ANKFN1: variants seen among roughly 807,000 people sequenced by gnomAD.
ANKFN1 encodes the protein ankyrin repeat and fibronectin type III domain containing 1, also known as ankyrin repeat and fibronectin type-III domain-containing protein 1.
ANKFN1 carries 74 observed loss-of-function variants against 108.7 expected under a neutral mutation model. The ratio of observed to expected loss-of-function variants is 0.68; its 90% CI spans 0.56 to 0.83. The LOEUF (loss-of-function observed/expected upper bound fraction) is 0.83. Among genes scored for constraint, ANKFN1 ranks in the 40% least tolerant of loss-of-function variants. The probability of loss-of-function intolerance (pLI) is 0.00; values close to 1 mark genes in which losing one functional copy is unlikely to be tolerated. For synonymous variants in ANKFN1, 547 were observed against 516.2 expected (o/e 1.06, Z -0.81); for missense variants, 1,505 against 1,382.3 (o/e 1.09, Z -1.41).
At position 56,374,730 on chromosome 17, in the gene ANKFN1, C is replaced by T; in HGVS notation, c.910+16C>T. 1.9e-6 allele frequency: 3 copies of T among 1,569,368 alleles called. No homozygotes were observed. Among genetic ancestry groups the T allele is most frequent in the East Asian group, 2.2e-5 (1 of 44,506 alleles). On this transcript the variant is annotated intron_variant, in intron 8 of 20. Transcript: ENST00000682825. Reference sequence around the variant, plus strand: ...AGGTATAAAGGTACTGGACCCAAGACATGTTTTCATCACTCCTTCTTAAAA... The same window carrying T: ...AGGTATAAAGGTACTGGACCCAAGATATGTTTTCATCACTCCTTCTTAAAA...
chr17:56,103,344 G>A (rs1905684650), intron 4 of ANKFN1, among the ~76,000 whole-genome samples: 1 of 152,200 alleles, frequency 6.6e-6, no homozygotes, highest in South Asian at 2.1e-4. Context: ...GCCATTAATG[G>A]CAGCCTCTGG....
intron 4 of ANKFN1, among the ~76,000 whole-genome samples, chr17:56,134,652 G>A (rs1364001741): frequency 6.6e-6 from 1 of 152,082 alleles, no homozygotes; most frequent in Non-Finnish European, 1.5e-5. Context: ...CCAGAAACTG[G>A]GGGCAATACG....
At chr17:56,160,509 C>T (rs1481153476) in intron 1 of ANKFN1, among the ~76,000 whole-genome samples, 6 of 152,156 alleles carry the variant, frequency 3.9e-5, no homozygotes, top group African/African-American at 1.4e-4. Context: ...TTGATGCCTA[C>T]AACTGAACTT....
chr17:56,180,484 A>T (rs1027496267), intron 1 of ANKFN1, among the ~76,000 whole-genome samples: 1 of 152,208 alleles, frequency 6.6e-6, no homozygotes, highest in Non-Finnish European at 1.5e-5. Flanking sequence ...AAGCAGTTAA[A>T]ACGAACTTTA....
intron 4 of ANKFN1, among the ~76,000 whole-genome samples, chr17:56,080,195 G>A (rs1345262994): frequency 6.6e-6 from 1 of 152,162 alleles, no homozygotes; most frequent in Non-Finnish European, 1.5e-5. Flanking sequence ...TCCAAATTAG[G>A]ACCATACAGT....
intron 1 of ANKFN1, among the ~76,000 whole-genome samples, chr17:56,154,841 A>G (rs553343684): frequency 2.6e-5 from 4 of 152,266 alleles, no homozygotes; most frequent in African/African-American, 7.2e-5. Context: ...CATTTGTTCC[A>G]TGAAGTGTAG....
chr17:56,244,026 C>A (rs546907344), intron 3 of ANKFN1, among the ~76,000 whole-genome samples: 2 of 151,764 alleles, frequency 1.3e-5, no homozygotes, highest in Non-Finnish European at 2.9e-5. Context: ...TGGAGGGGGT[C>A]ACTATGAAAG....
At chr17:56,294,978 A>G (rs1406281842) in intron 3 of ANKFN1, among the ~76,000 whole-genome samples, 1 of 152,244 alleles carries the variant, frequency 6.6e-6, no homozygotes, top group Non-Finnish European at 1.5e-5. Context: ...TGACAGCTAC[A>G]GAAAATGACT....
chr17:56,342,625 C>T (rs746372903), intron 4 of ANKFN1, among the ~76,000 whole-genome samples: 2 of 151,908 alleles, frequency 1.3e-5, no homozygotes, highest in Non-Finnish European at 2.9e-5. Context: ...TCTCTTAGTC[C>T]TGAGTTCTAA....
At chr17:56,388,278 C>G (rs1435746790) in intron 8 of ANKFN1, among the ~76,000 whole-genome samples, 1 of 152,030 alleles carries the variant, frequency 6.6e-6, no homozygotes, top group African/African-American at 2.4e-5. Flanking sequence ...TCCCGAGTAG[C>G]TGAGACTATA....
intron 3 of ANKFN1, among the ~76,000 whole-genome samples, chr17:56,259,909 A>AACACACACACAC (rs34951336): frequency 5.8e-5 from 8 of 139,048 alleles, no homozygotes; most frequent in African/African-American, 2.1e-4. Context: ...CCCACCTCCA[A>AACACACACACAC]ACACACACAC....
At chr17:56,245,694 T>C (rs1451624874) in intron 3 of ANKFN1, 1 of 152,066 alleles carries the variant, frequency 6.6e-6, no homozygotes, top group East Asian at 1.9e-4. Context: ...AATTATGTCA[T>C]TAAAATGAAG....
chr17:56,243,976 G>A (rs1211559557), intron 3 of ANKFN1, among the ~76,000 whole-genome samples: 3 of 152,096 alleles, frequency 2.0e-5, no homozygotes, highest in African/African-American at 7.2e-5. Context: ...GTTAGCCCTA[G>A]TTTAGCCACA....
chr17:56,085,583 A>C, intron 4 of ANKFN1, among the ~76,000 whole-genome samples: 1 of 151,264 alleles, frequency 6.6e-6, no homozygotes. Context: ...GTTTGTGGTA[A>C]TTTGTTATGG....
At chr17:56,229,276 G>A (rs1193092557) in intron 3 of ANKFN1, among the ~76,000 whole-genome samples, 1 of 152,044 alleles carries the variant, frequency 6.6e-6, no homozygotes, top group Non-Finnish European at 1.5e-5. Context: ...CTTTTACCAA[G>A]AAAGTCACGT....
intron 14 of ANKFN1, among the ~76,000 whole-genome samples, chr17:56,459,283 G>A (rs1272337280): frequency 6.6e-6 from 1 of 152,098 alleles, no homozygotes; most frequent in Non-Finnish European, 1.5e-5. Context: ...GCTAATTTTT[G>A]TATTTTTACC....
intron 2 of ANKFN1, among the ~76,000 whole-genome samples, chr17:56,219,934 C>T (rs1349541924): frequency 6.6e-6 from 1 of 152,196 alleles, no homozygotes; most frequent in Non-Finnish European, 1.5e-5. Flanking sequence ...CCTTAAAATG[C>T]AGTAACATTG....
intron 20 of ANKFN1, among the ~76,000 whole-genome samples, chr17:56,500,801 A>G (rs1250342796): frequency 1.3e-5 from 2 of 152,242 alleles, no homozygotes; most frequent in African/African-American, 4.8e-5. Context: ...GCCACCCTCT[A>G]TGTGCCAGGC....
intron 16 of ANKFN1, among the ~76,000 whole-genome samples, chr17:56,478,260 G>A (rs531150155): frequency 1.3e-4 from 20 of 152,258 alleles, no homozygotes; most frequent in East Asian, 3.9e-4. Context: ...ATGTTCAATC[G>A]GTTAATGAAC....
Sources: gnomAD v4.1 joint callset for allele counts (sites outside exome capture counted in the v4.1 genomes callset) on GRCh38, gnomAD v4.1.1 for gene constraint, MANE v1.5 for transcripts, NCBI Gene and HGNC (gene_info 2026-07-23, HGNC 2026-07-21) for gene names.